The following FGF12 variants were observed in gnomAD, a reference collection of about 807,000 sequenced individuals.
FGF12 encodes fibroblast growth factor 12B.
A neutral mutation model predicts 23.6 loss-of-function variants in FGF12; 14 were observed. That is an observed-to-expected ratio of 0.59 (90% CI 0.39 to 0.93). The LOEUF (loss-of-function observed/expected upper bound fraction) is 0.93. Ranked by LOEUF, FGF12 falls within the 40% of genes least tolerant of loss-of-function variation. The pLI, the probability that FGF12 is intolerant of heterozygous loss-of-function variation, is 0.00. For synonymous variants in FGF12, 62 were observed against 77.3 expected (o/e 0.80, Z 1.04); for missense variants, 175 against 217.8 (o/e 0.80, Z 1.24).
intron 4 of FGF12, among the ~76,000 whole-genome samples, chr3:192,305,679 A>AAATATATATATAT (rs1423738741): frequency 2.3e-5 from 3 of 131,936 alleles, no homozygotes; most frequent in Non-Finnish European, 4.7e-5. Context: ...AAAAAAAAAA[A>AAATATATATATAT]ATATATATAT....
chr3:192,468,542 G>A (rs955601370), intron 2 of FGF12, among the ~76,000 whole-genome samples: 1 of 152,184 alleles, frequency 6.6e-6, no homozygotes, highest in Non-Finnish European at 1.5e-5. Context: ...TTAGATGGAG[G>A]CTACGCATTT....
intron 2 of FGF12, among the ~76,000 whole-genome samples, chr3:192,525,506 TC>T (rs1465582357): frequency 6.6e-6 from 1 of 152,182 alleles, no homozygotes; most frequent in Non-Finnish European, 1.5e-5. Context: ...ATTCTTGCCT[TC>T]CTTCAGGCCC....
At chr3:192,546,021 T>G (rs989412189) in intron 2 of FGF12, among the ~76,000 whole-genome samples, 1 of 152,200 alleles carries the variant, frequency 6.6e-6, no homozygotes, top group Non-Finnish European at 1.5e-5. Context: ...CAGAATGAAA[T>G]GTAATTAGCT....
At chr3:192,235,744 A>C (rs59711362) in intron 4 of FGF12, among the ~76,000 whole-genome samples, 10,130 of 152,118 alleles carry the variant, frequency 0.067, 360 homozygotes, top group South Asian at 0.08. Flanking sequence ...TTATTTGGAT[A>C]TTCTTTCATT....
rs1392423346 is a variant in FGF12 at position 192,181,374 on chromosome 3, CACAG to C, written c.229-10722_229-10719del. ...ACACGCACACACACAGACACACACACACAGACACACACACACACACACACAGCAT... is the reference window on the plus strand; with the variant it reads ...ACACGCACACACACAGACACACACACACACACACACACACACACACAGCAT... On this transcript the variant is annotated intron_variant, in intron 4 of 5. Transcript: ENST00000445105. 4.2e-5 allele frequency among the ~76,000 whole-genome samples: 6 copies of C among 143,882 alleles called. No individual in the cohort carries two copies. The South Asian group carries it at 1.3e-3, about 32-fold the overall frequency. 94.4% of individuals were successfully genotyped at this position (143,882 alleles called of 152,430 possible).
chr3:192,195,242 G>T (rs1034406619), intron 4 of FGF12, among the ~76,000 whole-genome samples: 32 of 152,154 alleles, frequency 2.1e-4, no homozygotes, highest in African/African-American at 2.4e-5. Flanking sequence ...TTCAACTAAA[G>T]TCGTTACCAT....
chr3:192,585,696 C>A (rs768390259), intron 2 of FGF12, among the ~76,000 whole-genome samples: 8 of 152,066 alleles, frequency 5.3e-5, no homozygotes, highest in Non-Finnish European at 8.8e-5. Context: ...CTCCCCGAGC[C>A]CCTCAACACC....
chr3:192,616,186 G>T (rs1577080693), intron 2 of FGF12, among the ~76,000 whole-genome samples: 1 of 151,864 alleles, frequency 6.6e-6, no homozygotes, highest in African/African-American at 2.4e-5. Context: ...GGAATCATTG[G>T]CAAAGAAAAG....
chr3:192,664,594 C>CAAAAAAAAAAAAAAAAAAAAA lies in FGF12; in HGVS notation c.13+62586_13+62587insTTTTTTTTTTTTTTTTTTTTT, dbSNP rs1482447213. On this transcript the variant is annotated intron_variant, in intron 2 of 5. Transcript: ENST00000445105. ...TGAAACCCTGTCTCTACTAAAAATA[C>CAAAAAAAAAAAAAAAAAAAAA]AAAAAAAATACAAAAAAAAAAAAAA... Among the ~76,000 whole-genome samples, 43 of 97,024 alleles carry CAAAAAAAAAAAAAAAAAAAAA rather than the reference C, an allele frequency of 4.4e-4. 4 individuals are homozygous for CAAAAAAAAAAAAAAAAAAAAA. The highest frequency in any genetic ancestry group is 6.9e-3 in the Middle Eastern group (1 of 144). The allele number at this position is 97,024 out of a possible 152,430, so 63.7% of individuals were successfully genotyped here. A position where few individuals can be genotyped will look rare whatever the true frequency, so the allele number is the denominator to read the frequency against.
chr3:192,328,379 C>T (rs953153762), intron 4 of FGF12, among the ~76,000 whole-genome samples: 3 of 152,200 alleles, frequency 2.0e-5, no homozygotes, highest in Non-Finnish European at 2.9e-5. Flanking sequence ...ACGTAACAGA[C>T]GCCAATGACA....
At chr3:192,198,195 G>T (rs1717178553) in intron 4 of FGF12, among the ~76,000 whole-genome samples, 1 of 152,040 alleles carries the variant, frequency 6.6e-6, no homozygotes, top group Non-Finnish European at 1.5e-5. Context: ...AAAAGCAAAT[G>T]AATCACATAA....
chr3:192,713,936 G>A (rs1718777421), intron 2 of FGF12, among the ~76,000 whole-genome samples: 1 of 152,198 alleles, frequency 6.6e-6, no homozygotes, highest in Admixed American at 6.5e-5. Context: ...GGCACACATT[G>A]CAAGTGTGGT....
chr3:192,207,146 C>T (rs975317216), intron 4 of FGF12, among the ~76,000 whole-genome samples: 7 of 152,144 alleles, frequency 4.6e-5, no homozygotes, highest in Non-Finnish European at 7.3e-5. Flanking sequence ...GAATATCCAT[C>T]CATTCATCAG....
chr3:192,563,122 G>A (rs2108596122), intron 2 of FGF12, among the ~76,000 whole-genome samples: 1 of 152,278 alleles, frequency 6.6e-6, no homozygotes, highest in South Asian at 2.1e-4. Context: ...GTGATTTTGA[G>A]AGCTTTAGAA....
intron 2 of FGF12, among the ~76,000 whole-genome samples, chr3:192,395,949 T>C (rs1024871263): frequency 3.9e-5 from 6 of 152,276 alleles, no homozygotes; most frequent in Non-Finnish European, 4.4e-5. Flanking sequence ...CAGTAAATGT[T>C]CTATGAATGT....
chr3:192,624,666 GA>G (rs1436487178), intron 2 of FGF12, among the ~76,000 whole-genome samples: 8 of 152,034 alleles, frequency 5.3e-5, no homozygotes, highest in African/African-American at 9.7e-5. Context: ...ACTATATTAG[GA>G]AAAAATTAGC....
chr3:192,490,664 G>A (rs1292212537), intron 2 of FGF12, among the ~76,000 whole-genome samples: 1 of 151,972 alleles, frequency 6.6e-6, no homozygotes, highest in Non-Finnish European at 1.5e-5. Context: ...GGACATGAGT[G>A]GTAAAAAGGA....
At chr3:192,266,511 T>C (rs1713087116) in intron 4 of FGF12, among the ~76,000 whole-genome samples, 1 of 152,106 alleles carries the variant, frequency 6.6e-6, no homozygotes, top group African/African-American at 2.4e-5. Flanking sequence ...TATCAAATAT[T>C]AGACTGTCTA....
chr3:192,271,292 T>C (rs746358183), intron 4 of FGF12, among the ~76,000 whole-genome samples: 44 of 152,318 alleles, frequency 2.9e-4, no homozygotes, highest in Non-Finnish European at 4.9e-4. Context: ...TCTTTTCTCC[T>C]GTATTCTGTG....
Sources: allele counts gnomAD v4.1 joint callset (sites outside exome capture counted in the v4.1 genomes callset), GRCh38; gene constraint gnomAD v4.1.1; transcripts MANE v1.5; gene names NCBI Gene and HGNC (gene_info 2026-07-23, HGNC 2026-07-21).